The following MAGEB16 variants were observed in gnomAD, a reference collection of about 807,000 sequenced individuals.
MAGEB16 encodes the protein melanoma-associated antigen B16.
For synonymous variants in MAGEB16, 95 were observed against 92.1 expected (o/e 1.03, Z -0.18); for missense variants, 217 against 234.0 (o/e 0.93, Z 0.47).
At chrX:35,801,155 G>A (rs753526842) in intron 1 of MAGEB16, among the ~76,000 whole-genome samples, 1 of 111,558 alleles carries the variant, frequency 9.0e-6, no homozygotes, top group Non-Finnish European at 1.9e-5. Flanking sequence ...AAGGGAGGCC[G>A]GGGCCTGTGA....
chrX:35,800,317 A>G (rs887376248), intron 1 of MAGEB16, among the ~76,000 whole-genome samples: 6 of 111,235 alleles, frequency 5.4e-5, no homozygotes, highest in Middle Eastern at 4.7e-3. Flanking sequence ...AGGAGTGGGA[A>G]GAATTTCCAT....
intron 1 of MAGEB16, among the ~76,000 whole-genome samples, chrX:35,799,781 A>G (rs1260375246): frequency 9.0e-6 from 1 of 111,615 alleles, no homozygotes; most frequent in African/African-American, 3.3e-5. Context: ...GACCATGAAA[A>G]AGATCTGGGC....
chrX:35,799,852 G>A (rs1383441636), intron 1 of MAGEB16, among the ~76,000 whole-genome samples: 1 of 111,855 alleles, frequency 8.9e-6, no homozygotes, highest in Non-Finnish European at 1.9e-5. Context: ...GTCAGCCCTC[G>A]GAGACCCCTG....
At chrX:35,800,963 C>A (rs966165879) in intron 1 of MAGEB16, among the ~76,000 whole-genome samples, 18 of 111,208 alleles carry the variant, frequency 1.6e-4, no homozygotes, top group African/African-American at 5.6e-4. Context: ...AACATAGAGA[C>A]ACAGAGTAAG....
In MAGEB16 at chrX:35,802,788, A is replaced by T. The variant is rs1441258371; in HGVS notation, c.592A>T (p.Lys198Ter). 2 of 1,211,384 alleles carry T rather than the reference A, an allele frequency of 1.7e-6. No homozygotes were observed. The highest frequency in any genetic ancestry group is 3.5e-5 in the South Asian group (2 of 56,955). The change falls in exon 2 of 2, where the codon AAG (lysine) becomes TAG (stop). Residue 198 changes from lysine to a stop codon, truncating the protein, a stop_gained. Transcript: ENST00000399988. LOFTEE classifies it low-confidence loss of function (END_TRUNC). Reference sequence around the variant, plus strand: ...CTATGATGGGATGCTGAGTGGTGAAAAGGGTGTGCCCAAGACTGGCCTCCT... The same window carrying T: ...CTATGATGGGATGCTGAGTGGTGAATAGGGTGTGCCCAAGACTGGCCTCCT...
exon 2 of MAGEB16, chrX:35,802,919 C>G: frequency 8.3e-7 from 1 of 1,211,937 alleles, no homozygotes; most frequent in Non-Finnish European, 1.1e-6. Context: ...AGAAGCACTT[C>G]ATCTTTGGAG....
chrX:35,802,130 G>A lies in MAGEB16; in HGVS notation c.-66-1G>A, dbSNP rs775653569. The A allele has an allele frequency of 2.5e-6, 3 of 1,181,727 alleles. No individual in the cohort carries two copies. In the Admixed American group the frequency reaches 6.7e-5, roughly 26 times the overall value. On this transcript the variant is annotated splice_acceptor_variant, in intron 1 of 1. Transcript: ENST00000399988. LOFTEE classifies it low-confidence loss of function (5UTR_SPLICE). The stretch of plus-strand genomic sequence containing the variant: ...ATTTACACCCTTTCTCTCTCCCTTA[G>A]GCAGTGATTCTTCATTGCCTGCCCT...
At position 35,802,196 on chromosome X, in the gene MAGEB16, C is replaced by G. The variant is rs1488605946; in HGVS notation, c.-1C>G. Reference sequence around the variant, plus strand: ...GCCTACTGCCACCCACAAGGGTCATCATGTCTCAGGATCAGGAGAGTCCAC... The same window carrying G: ...GCCTACTGCCACCCACAAGGGTCATGATGTCTCAGGATCAGGAGAGTCCAC... On this transcript the variant is annotated 5_prime_UTR_variant, in exon 2 of 2. It adds an upstream start codon to the 5' untranslated region. Transcript: ENST00000399988. 1.7e-6 allele frequency: 2 copies of G among 1,211,445 alleles called. No individual in the cohort carries two copies.
intron 1 of MAGEB16, among the ~76,000 whole-genome samples, chrX:35,799,615 T>C (rs1330596727): frequency 9.0e-6 from 1 of 110,933 alleles, no homozygotes; most frequent in African/African-American, 3.3e-5. Context: ...GAAGGGAAAA[T>C]ACACTGCATA....
exon 2 of MAGEB16, chrX:35,802,154 C>G (rs761568295): frequency 8.3e-7 from 1 of 1,206,440 alleles, no homozygotes; most frequent in African/African-American, 1.7e-5. Flanking sequence ...ATTGCCTGCC[C>G]TCCTGTCCAC....
At chrX:35,802,400 C>T in exon 2 of MAGEB16, 1 of 1,208,221 alleles carries the variant, frequency 8.3e-7, no homozygotes, top group East Asian at 3.0e-5. Context: ...CTCAGAGTTT[C>T]TGCTCCTCTT....
intron 1 of MAGEB16, among the ~76,000 whole-genome samples, chrX:35,800,969 G>C (rs1366526190): frequency 1.8e-5 from 2 of 111,316 alleles, no homozygotes; most frequent in Non-Finnish European, 3.8e-5. Flanking sequence ...GAGACACAGA[G>C]TAAGGACCAA....
intron 1 of MAGEB16, chrX:35,801,489 G>A (rs1704544340): frequency 8.9e-6 from 1 of 111,965 alleles, no homozygotes; most frequent in African/African-American, 3.3e-5. Flanking sequence ...AGCCCTGAGT[G>A]GGTATGGGTA....
chrX:35,802,650 T>G, exon 2 of MAGEB16: 1 of 1,211,361 alleles, frequency 8.3e-7, no homozygotes, highest in Non-Finnish European at 1.1e-6. Flanking sequence ...GAGCCACTTC[T>G]CTGAGATCCT....
At chrX:35,802,566 A>T in exon 2 of MAGEB16, 1 of 1,211,682 alleles carries the variant, frequency 8.3e-7, no homozygotes, top group Non-Finnish European at 1.1e-6. Context: ...GGTGAATTTC[A>T]TGCTGCACAA....
exon 2 of MAGEB16, chrX:35,803,116 C>G (rs200406989): frequency 8.3e-7 from 1 of 1,205,032 alleles, no homozygotes; most frequent in East Asian, 3.0e-5. Flanking sequence ...TCTTTCCCAT[C>G]TCAGTATGCG....
chrX:35,802,906 GGAA>G, exon 2 of MAGEB16: 1 of 1,211,964 alleles, frequency 8.3e-7, no homozygotes, highest in Non-Finnish European at 1.1e-6. Flanking sequence ...GTATATTCTG[GGAA>G]GAAGCACTTC....
rs776478366 is a variant in MAGEB16 at position 35,802,153 on chromosome X, C to T, written c.-44C>T. The T allele has an allele frequency of 9.1e-5, 110 of 1,204,590 alleles. No individual in the cohort carries two copies. In the South Asian group the frequency reaches 1.5e-3, roughly 17 times the overall value. ...TAGGCAGTGATTCTTCATTGCCTGC[C>T]CTCCTGTCCACACTCCTGCCTACTG... is the stretch of plus-strand genomic sequence containing the variant. On this transcript the variant is annotated 5_prime_UTR_variant, in exon 2 of 2. Transcript: ENST00000399988.
intron 1 of MAGEB16, among the ~76,000 whole-genome samples, chrX:35,801,900 A>T (rs1253973041): frequency 8.9e-6 from 1 of 112,422 alleles, no homozygotes; most frequent in Non-Finnish European, 1.9e-5. Flanking sequence ...GAGCCCAACT[A>T]CAAGTGTCTA....
Sources: gnomAD v4.1 joint callset for allele counts (sites outside exome capture counted in the v4.1 genomes callset) on GRCh38, gnomAD v4.1.1 for gene constraint, MANE v1.5 for transcripts, NCBI Gene and HGNC (gene_info 2026-07-23, HGNC 2026-07-21) for gene names.